Variants in ACSF3 observed in about 807,000 individuals in gnomAD.
ACSF3 encodes the protein malonate--CoA ligase ACSF3, mitochondrial.
Under a neutral mutation model 53.2 loss-of-function variants are expected in ACSF3, and 78 were observed. The ratio of observed to expected loss-of-function variants is 1.47; its 90% CI spans 1.22 to 1.77. The LOEUF (loss-of-function observed/expected upper bound fraction) is 1.77, where lower values mean the gene tolerates loss of function less well. ACSF3 is among the 40% of genes most tolerant of loss of function. ACSF3 has a pLI of 0.00. For synonymous variants in ACSF3, 414 were observed against 333.1 expected, an observed-to-expected ratio of 1.24 and a Z score of -2.65; for missense variants, 937 against 771.1, an observed-to-expected ratio of 1.22 and a Z score of -2.55.
chr16:89,105,837 C>T (rs2151426143), intron 4 of ACSF3, among the ~76,000 whole-genome samples: 1 of 152,290 alleles, frequency 6.6e-6, no homozygotes, highest in South Asian at 2.1e-4. Flanking sequence ...TCCCGGAGGG[C>T]AGGTTGGTTC....
At chr16:89,100,425 T>G (rs750623561) in intron 2 of ACSF3, among the ~76,000 whole-genome samples, 1 of 152,232 alleles carries the variant, frequency 6.6e-6, no homozygotes. Context: ...TTTTGTGTGG[T>G]TTGGGAATCC....
At chr16:89,148,974 G>A (rs1913615030) in intron 10 of ACSF3, 1 of 152,098 alleles carries the variant, frequency 6.6e-6, no homozygotes. Flanking sequence ...CCAGAAAATT[G>A]TTTGTTTGTT....
chr16:89,103,067 A>C (rs1261106910), intron 4 of ACSF3, among the ~76,000 whole-genome samples: 1 of 152,200 alleles, frequency 6.6e-6, no homozygotes, highest in African/African-American at 2.4e-5. Flanking sequence ...CAATAACAGA[A>C]CAGTTATAAC....
chr16:89,115,767 T>C (rs1905025474), intron 6 of ACSF3, among the ~76,000 whole-genome samples: 1 of 152,206 alleles, frequency 6.6e-6, no homozygotes, highest in South Asian at 2.1e-4. Context: ...GGTGGTGGTG[T>C]CTCGTTGAGT....
At chr16:89,110,138 A>G (rs1352613735) in intron 4 of ACSF3, among the ~76,000 whole-genome samples, 1 of 152,198 alleles carries the variant, frequency 6.6e-6, no homozygotes, top group Admixed American at 6.5e-5. Context: ...TTATAAAAAA[A>G]ATTTTAAAAA....
intron 7 of ACSF3, among the ~76,000 whole-genome samples, chr16:89,129,534 A>G (rs1383258496): frequency 3.3e-5 from 5 of 152,132 alleles, no homozygotes; most frequent in Admixed American, 3.3e-4. Context: ...TATACACAGC[A>G]TACAGTTGGA....
chr16:89,110,095 T>C (rs1976514670), intron 4 of ACSF3, among the ~76,000 whole-genome samples: 1 of 152,214 alleles, frequency 6.6e-6, no homozygotes, highest in Non-Finnish European at 1.5e-5. Context: ...AATGTGTCTT[T>C]TGGAGCACAC....
At chr16:89,143,564 C>A (rs1912300966) in intron 8 of ACSF3, among the ~76,000 whole-genome samples, 1 of 152,308 alleles carries the variant, frequency 6.6e-6, no homozygotes, top group South Asian at 2.1e-4. Context: ...TGGTGGCTGT[C>A]TGGTCCAGAG....
intron 1 of ACSF3, among the ~76,000 whole-genome samples, chr16:89,096,924 C>A (rs2151389447): frequency 6.6e-6 from 1 of 152,378 alleles, no homozygotes; most frequent in Middle Eastern, 3.4e-3. Context: ...GGAGTGCCCA[C>A]CCACAGGCAG....
At chr16:89,119,758 A>G (rs1011031562) in intron 6 of ACSF3, among the ~76,000 whole-genome samples, 4 of 152,112 alleles carry the variant, frequency 2.6e-5, no homozygotes, top group African/African-American at 9.7e-5. Context: ...GCAGGACCCC[A>G]GGTGTGGACA....
At position 89,154,349 on chromosome 16, in the gene ACSF3, G is replaced by T; in HGVS notation, c.*142G>T. On this transcript the variant is annotated 3_prime_UTR_variant, in exon 11 of 11. Coordinates refer to ENST00000614302, the MANE Select transcript of ACSF3 (RefSeq NM_001243279.3). Reference sequence around the variant, plus strand: ...GTCACGTAGAATCAAGAACTGTTTGGGATGAAATCACCATGTGGGGTCCCC... The same window carrying T: ...GTCACGTAGAATCAAGAACTGTTTGTGATGAAATCACCATGTGGGGTCCCC... 4.8e-6 allele frequency: 4 copies of T among 825,166 alleles called. No individual in the cohort carries two copies. The highest frequency in any genetic ancestry group is 8.0e-6 in the Non-Finnish European group (4 of 498,686). The allele number at this position is 825,166 out of a possible 1,614,324, so 51.1% of individuals were successfully genotyped here.
chr16:89,148,880 G>A (rs149991504), intron 10 of ACSF3: 1 of 152,316 alleles, frequency 6.6e-6, no homozygotes, highest in East Asian at 1.9e-4. Context: ...GACACGCCTA[G>A]AGACATTTTC....
chr16:89,135,243 G>T (rs571834497), intron 8 of ACSF3, among the ~76,000 whole-genome samples: 2 of 152,230 alleles, frequency 1.3e-5, no homozygotes, highest in African/African-American at 4.8e-5. Flanking sequence ...GGAGCAGAGC[G>T]GGGGGCTGCA....
At chr16:89,136,560 C>T in intron 8 of ACSF3, 2 of 1,275,124 alleles carry the variant, frequency 1.6e-6, no homozygotes, top group Non-Finnish European at 2.0e-6. Flanking sequence ...CCCCTCCTGC[C>T]ACACGGATTC....
chr16:89,150,069 G>A (rs1241102743), intron 10 of ACSF3: 4 of 152,404 alleles, frequency 2.6e-5, no homozygotes, highest in Non-Finnish European at 4.4e-5. Flanking sequence ...AGTCATGACA[G>A]AAGGGGAGGC....
rs1252059510 is a variant in ACSF3 at position 89,114,490 on chromosome 16, A to G, written c.1126+3A>G. 1.2e-6 allele frequency: 2 copies of G among 1,610,860 alleles called. No individual in the cohort carries two copies. Among genetic ancestry groups the G allele is most frequent in the African/African-American group, 1.3e-5 (1 of 74,894 alleles). On this transcript the variant is annotated splice_donor_region_variant and intron_variant, in intron 6 of 10. Transcript: ENST00000614302. The stretch of plus-strand genomic sequence containing the variant: ...GACCACTGCCGTGCGCCTGCCAGGT[A>G]CGAGCACTTCCCACAGCTGCGTTCC...
rs745453668 is a variant in ACSF3 at position 89,112,221 on chromosome 16, C to T, written c.952C>T (p.Arg318Cys). 12 of 1,614,026 alleles carry T rather than the reference C, an allele frequency of 7.4e-6. No individual in the cohort carries two copies. The highest frequency in any genetic ancestry group is 4.4e-5 in the South Asian group (4 of 91,072). The change falls in exon 5 of 11, where the codon CGT becomes TGT. Residue 318 changes from arginine (R) to cysteine (C), a missense_variant. Physicochemically the swap from Arg to Cys is radical, Grantham distance 180. Transcript: ENST00000614302. ...CCAGCCGCACGCCCAGGATTTCTTG[C>T]GTGCAGTTTGTGAAGAAAAAATTAG... ...FTQPHAQDFL[R>C]AVCEEKIRLM... is the part of the protein sequence containing the mutation.
intron 10 of ACSF3, chr16:89,150,956 T>G: frequency 7.9e-7 from 1 of 1,272,820 alleles, no homozygotes. Context: ...CTAATGGGAG[T>G]TCCAACAAGA....
chr16:89,146,009 G>T lies in ACSF3; in HGVS notation c.1573G>T (p.Gly525Ter), dbSNP rs767958353. Residue 525 changes from glycine (G) to a stop codon, truncating the protein, a stop_gained, in exon 10 of 11, where the codon GGA becomes TGA. Transcript: ENST00000614302. LOFTEE classifies it high-confidence loss of function. ...CACTGCTGTGGTGACCCTCCGAGAA[G>T]GACACTCACTGTCCCACAGGGAGCT... ...RVTAVVTLRE[G>*]HSLSHRELKE... 6.2e-7 allele frequency: 1 copy of T among 1,607,370 alleles called. No homozygotes were observed. Among genetic ancestry groups the T allele is most frequent in the Non-Finnish European group, 8.5e-7 (1 of 1,176,710 alleles).
Sources: allele counts gnomAD v4.1 joint callset (sites outside exome capture counted in the v4.1 genomes callset), GRCh38; gene constraint gnomAD v4.1.1; transcripts MANE v1.5; gene names NCBI Gene and HGNC (gene_info 2026-07-23, HGNC 2026-07-21).